The following SAMD3 variants were observed in gnomAD, a reference collection of about 807,000 sequenced individuals.
The protein encoded by SAMD3 is sterile alpha motif domain-containing protein 3.
Under a neutral mutation model 58.5 loss-of-function variants are expected in SAMD3, and 63 were observed. The ratio of observed to expected loss-of-function variants is 1.08; its 90% CI spans 0.88 to 1.33. The LOEUF (loss-of-function observed/expected upper bound fraction) is 1.33. SAMD3 is among the 40% of genes most tolerant of loss of function. The pLI is 0.00. For missense variants in SAMD3, 604 were observed against 608.4 expected (o/e 0.99, Z 0.08); for synonymous variants, 220 against 210.3 (o/e 1.05, Z -0.40).
upstream of SAMD3, among the ~76,000 whole-genome samples, chr6:130,226,043 T>C (rs1796374229): frequency 6.6e-6 from 1 of 152,236 alleles, no homozygotes; most frequent in Non-Finnish European, 1.5e-5. Flanking sequence ...TTCTATCCAC[T>C]GTTGCAGAAG....
chr6:130,183,582 C>T (rs1792618760), intron 7 of SAMD3: 1 of 357,208 alleles, frequency 2.8e-6, no homozygotes, highest in Non-Finnish European at 5.4e-6. Context: ...CCTTCCTAAC[C>T]CTTAAAACCC....
intron 11 of SAMD3, among the ~76,000 whole-genome samples, 163 bp from the exon 12 acceptor site, chr6:130,144,967 T>A (rs1257999101): frequency 6.6e-6 from 1 of 152,136 alleles, no homozygotes; most frequent in Non-Finnish European, 1.5e-5. Context: ...TGCTTTTAAA[T>A]AAGTTATCGC....
intron 7 of SAMD3, among the ~76,000 whole-genome samples, chr6:130,179,236 A>G (rs1457657793): frequency 6.6e-6 from 1 of 152,202 alleles, no homozygotes; most frequent in Non-Finnish European, 1.5e-5. Context: ...TATTCAATCA[A>G]TGAATATTTA....
intron 2 of SAMD3, among the ~76,000 whole-genome samples, chr6:130,266,496 T>C (rs914640707): frequency 4.6e-5 from 7 of 152,162 alleles, no homozygotes; most frequent in African/African-American, 1.7e-4. Flanking sequence ...ACCCTTCCTG[T>C]AGGAAGACTC....
chr6:130,202,691 C>T (rs1794746788), intron 5 of SAMD3, among the ~76,000 whole-genome samples: 1 of 152,142 alleles, frequency 6.6e-6, no homozygotes, highest in African/African-American at 2.4e-5. Flanking sequence ...TCCTCAAAGC[C>T]TACATTACTA....
At chr6:130,191,271 G>C (rs1793515568) in intron 5 of SAMD3, among the ~76,000 whole-genome samples, 1 of 152,098 alleles carries the variant, frequency 6.6e-6, no homozygotes, top group African/African-American at 2.4e-5. Flanking sequence ...TCAGTATGTG[G>C]TCTCCCTGAG....
chr6:130,162,169 C>T, intron 8 of SAMD3: 2 of 674,014 alleles, frequency 3.0e-6, no homozygotes, highest in Non-Finnish European at 5.4e-6. Flanking sequence ...GTTTTGGCAA[C>T]ATAGAGTGTG....
rs1796018446 is a variant in SAMD3 at position 130,216,610 on chromosome 6, T to A, written c.-61A>T. The A allele has an allele frequency of 2.6e-5, 4 of 152,230 alleles. No homozygotes were observed. The South Asian group carries it at 8.3e-4, about 32-fold the overall frequency. 9.4% of individuals were successfully genotyped at this position (152,230 alleles called of 1,614,324 possible). A position where few individuals can be genotyped will look rare whatever the true frequency, so the allele number is the denominator to read the frequency against. ...AAGCTGGAAAGATAGTCTTCAAGAA[T>A]CATTTCCTAGAAAACAAGTAGACTT... On this transcript the variant is annotated 5_prime_UTR_variant, in exon 2 of 12. Transcript: ENST00000439090.
In SAMD3 at chr6:130,330,445, G is replaced by A. The variant is rs374263756; in HGVS notation, c.-303-17352C>T. ...GTTACCAATATCAGGACCTCAAAGC[G>A]TAGTGAGATTCAGTCATGTAGCTAT... is the stretch of plus-strand genomic sequence containing the variant. On this transcript the variant is annotated intron_variant, in intron 1 of 13. Coordinates refer to the SAMD3 transcript ENST00000368134. Among the ~76,000 whole-genome samples the A allele has an allele frequency of 8.5e-4, 129 of 152,254 alleles. 2 individuals are homozygous for A. The South Asian group carries it at 0.016, about 18-fold the overall frequency.
At chr6:130,341,086 A>G (rs1027468633) in intron 1 of SAMD3, among the ~76,000 whole-genome samples, 1 of 150,682 alleles carries the variant, frequency 6.6e-6, no homozygotes, top group Non-Finnish European at 1.5e-5. Flanking sequence ...GATTCCACAA[A>G]CTCTCAGTGT....
chr6:130,316,939 A>G (rs1275959510), intron 1 of SAMD3, among the ~76,000 whole-genome samples: 1 of 152,226 alleles, frequency 6.6e-6, no homozygotes, highest in African/African-American at 2.4e-5. Flanking sequence ...TTTCTTGACC[A>G]CAAAATGGCT....
intron 10 of SAMD3, 124 bp downstream of exon 10, chr6:130,145,886 T>G (rs1788575806): frequency 5.3e-6 from 2 of 379,080 alleles, no homozygotes; most frequent in Non-Finnish European, 8.6e-6. Context: ...TTTTAATTTT[T>G]AAATATATTT....
intron 3 of SAMD3, 83 bp downstream of exon 3, chr6:130,215,112 A>C: frequency 1.4e-6 from 1 of 737,040 alleles, no homozygotes; most frequent in Admixed American, 2.3e-5. Context: ...GACATTTGGC[A>C]ACAAAAGTAA....
At chr6:130,332,919 T>C (rs184497214) in intron 1 of SAMD3, among the ~76,000 whole-genome samples, 2,545 of 152,298 alleles carry the variant, frequency 0.017, 35 homozygotes, top group Non-Finnish European at 0.027. Context: ...ATTTTTATAT[T>C]GTAGCAGAAG....
intron 2 of SAMD3, among the ~76,000 whole-genome samples, chr6:130,292,865 G>T (rs529697723): frequency 9.9e-5 from 15 of 151,766 alleles, no homozygotes; most frequent in Middle Eastern, 3.2e-3. Context: ...TGATCTGCCC[G>T]CCTCGGCCTC....
At chr6:130,353,163 T>C (rs764701699) in intron 1 of SAMD3, among the ~76,000 whole-genome samples, 20 of 152,192 alleles carry the variant, frequency 1.3e-4, no homozygotes, top group Non-Finnish European at 2.9e-4. Context: ...AGACAGAAGA[T>C]CCAGTGATGG....
In SAMD3 at chr6:130,167,289, C is replaced by T. The variant is rs149276323; in HGVS notation, c.822+8552G>A. ...AAACAAACAAAAAATACATATGAAA[C>T]GCTTTAAAATGGTTTCCTACAGTCA... On this transcript the variant is annotated intron_variant, in intron 8 of 11. Transcript: ENST00000439090. 8.4e-3 allele frequency among the ~76,000 whole-genome samples: 1,274 copies of T among 152,102 alleles called. 5 individuals are homozygous for T. The highest frequency in any genetic ancestry group is 0.013 in the Non-Finnish European group (892 of 68,004).
chr6:130,269,001 A>G (rs1774460173), intron 2 of SAMD3, among the ~76,000 whole-genome samples: 1 of 152,094 alleles, frequency 6.6e-6, no homozygotes, highest in Admixed American at 6.6e-5. Flanking sequence ...TTTATGGATT[A>G]TGCTTTTGAT....
intron 8 of SAMD3, 123 bp from the exon 9 acceptor site, chr6:130,155,148 A>T (rs1408889045): frequency 1.7e-5 from 11 of 655,844 alleles, no homozygotes; most frequent in Non-Finnish European, 2.9e-5. Flanking sequence ...GTTACACTTG[A>T]CATTGAGCAT....
Sources: allele counts gnomAD v4.1 joint callset (sites outside exome capture counted in the v4.1 genomes callset), GRCh38; gene constraint gnomAD v4.1.1; transcripts MANE v1.5; gene names NCBI Gene and HGNC (gene_info 2026-07-23, HGNC 2026-07-21).